C8orf34: variants seen among roughly 807,000 people sequenced by gnomAD.
C8orf34 encodes the protein uncharacterized protein C8orf34.
In C8orf34, 65 loss-of-function variants were observed where a neutral mutation model predicts 68.3. The observed-to-expected ratio is 0.95, with a 90% confidence interval of 0.78 to 1.17. The LOEUF is 1.17. C8orf34 is among the 50% of genes most tolerant of loss of function. The pLI is 0.00. For synonymous variants in C8orf34, 244 were observed against 241.2 expected, an observed-to-expected ratio of 1.01 and a Z score of -0.11; for missense variants, 664 against 655.4, an observed-to-expected ratio of 1.01 and a Z score of -0.14.
At chr8:68,809,025 G>A (rs1824568614) in intron 12 of C8orf34, among the ~76,000 whole-genome samples, 1 of 151,880 alleles carries the variant, frequency 6.6e-6, no homozygotes, top group Non-Finnish European at 1.5e-5. Context: ...TTTTCTGGAG[G>A]CTATCATGAA....
intron 8 of C8orf34, among the ~76,000 whole-genome samples, chr8:68,697,785 G>A (rs1820877791): frequency 6.6e-6 from 1 of 152,040 alleles, no homozygotes; most frequent in South Asian, 2.1e-4. Flanking sequence ...TCCAGATTAG[G>A]GGAACTTTCG....
At chr8:68,340,259 G>GA (rs1216120241) in intron 1 of C8orf34, among the ~76,000 whole-genome samples, 18 of 152,142 alleles carry the variant, frequency 1.2e-4, no homozygotes, top group Admixed American at 1.0e-3. Context: ...TACGTTATTG[G>GA]ATAAAAAATT....
chr8:68,689,360 A>G lies in C8orf34; in HGVS notation c.1242-19634A>G, dbSNP rs189936178. Among the ~76,000 whole-genome samples the G allele has an allele frequency of 3.9e-5, 6 of 152,174 alleles. No individual in the cohort carries two copies. In the East Asian group the frequency reaches 1.2e-3, roughly 29 times the overall value. ...AAAATCTCAGAAATCACCACTGTAG[A>G]ATTCATCCATGTAACCAAAAACTAC... On this transcript the variant is annotated intron_variant, in intron 8 of 13. Transcript: ENST00000518698.
intron 5 of C8orf34, among the ~76,000 whole-genome samples, chr8:68,498,816 G>T (rs1813641367): frequency 1.3e-5 from 2 of 152,146 alleles, no homozygotes; most frequent in African/African-American, 4.8e-5. Flanking sequence ...CACAACTAGA[G>T]CCCAGAGATT....
intron 7 of C8orf34, among the ~76,000 whole-genome samples, chr8:68,567,575 A>ATTTTT (rs1563534685): frequency 6.1e-5 from 2 of 33,042 alleles, no homozygotes; most frequent in Non-Finnish European, 1.3e-4. Flanking sequence ...TGTTTCATTT[A>ATTTTT]TCTTTTTTTT....
chr8:68,775,262 G>C (rs1823482563), intron 10 of C8orf34, among the ~76,000 whole-genome samples: 1 of 151,986 alleles, frequency 6.6e-6, no homozygotes, highest in Non-Finnish European at 1.5e-5. Flanking sequence ...AAAAGATTCT[G>C]TAGAAACAAA....
rs1335209980 is a variant in C8orf34 at position 68,799,230 on chromosome 8, G to C, written c.1549+11694G>C. Among the ~76,000 whole-genome samples, 10 of 152,198 alleles carry C rather than the reference G, an allele frequency of 6.6e-5. No homozygotes were observed. The East Asian group carries it at 1.7e-3, about 26-fold the overall frequency. On this transcript the variant is annotated intron_variant, in intron 12 of 13. Transcript: ENST00000518698. ...TTATTTTATTAAACACTTTTTATTT[G>C]TCTTGGAATATTCTTATATTTGCTC...
intron 1 of C8orf34, among the ~76,000 whole-genome samples, chr8:68,354,267 A>T (rs1489279652): frequency 6.6e-6 from 1 of 152,162 alleles, no homozygotes; most frequent in East Asian, 1.9e-4. Flanking sequence ...CTGTTGTAGA[A>T]AACTTATACC....
chr8:68,512,979 G>A (rs1050267886), intron 5 of C8orf34, among the ~76,000 whole-genome samples: 4 of 152,118 alleles, frequency 2.6e-5, no homozygotes, highest in Non-Finnish European at 4.4e-5. Context: ...AATTAAGGGC[G>A]TGATTAGTTC....
intron 8 of C8orf34, among the ~76,000 whole-genome samples, chr8:68,708,754 G>A (rs1013822491): frequency 2.0e-4 from 30 of 152,170 alleles, no homozygotes; most frequent in African/African-American, 6.8e-4. Flanking sequence ...AAGAAAAGCA[G>A]ATTCTACCTA....
chr8:68,560,545 C>T (rs939417551), intron 7 of C8orf34, among the ~76,000 whole-genome samples: 5 of 152,184 alleles, frequency 3.3e-5, no homozygotes, highest in South Asian at 2.1e-4. Flanking sequence ...TGTACTTACA[C>T]GAACCTAGAC....
intron 7 of C8orf34, among the ~76,000 whole-genome samples, chr8:68,619,960 G>T (rs1818340642): frequency 6.6e-6 from 1 of 152,284 alleles, no homozygotes; most frequent in Non-Finnish European, 1.5e-5. Flanking sequence ...GGTGTGTAGG[G>T]TATAGAAATA....
At chr8:68,477,175 T>C (rs1812655540) in intron 4 of C8orf34, among the ~76,000 whole-genome samples, 1 of 152,154 alleles carries the variant, frequency 6.6e-6, no homozygotes, top group East Asian at 1.9e-4. Flanking sequence ...TATTGGTGCA[T>C]GAAGGGTGAA....
At chr8:68,658,022 G>GTTTTTT (rs1353052811) in intron 8 of C8orf34, among the ~76,000 whole-genome samples, 1 of 152,040 alleles carries the variant, frequency 6.6e-6, no homozygotes, top group Admixed American at 6.6e-5. Context: ...TTCTTTATGA[G>GTTTTTT]CAAGAAGGGC....
chr8:68,636,112 G>A (rs1162336913), intron 7 of C8orf34, among the ~76,000 whole-genome samples: 2 of 152,104 alleles, frequency 1.3e-5, no homozygotes, highest in Non-Finnish European at 2.9e-5. Flanking sequence ...AACTGAAGAA[G>A]GGCTGACTAG....
intron 8 of C8orf34, among the ~76,000 whole-genome samples, chr8:68,663,591 A>G (rs1310702812): frequency 6.6e-6 from 1 of 152,156 alleles, no homozygotes; most frequent in East Asian, 1.9e-4. Context: ...TGAGTCAGGC[A>G]TCATCCCTGG....
intron 10 of C8orf34, among the ~76,000 whole-genome samples, chr8:68,736,887 A>G (rs367804283): frequency 5.3e-5 from 8 of 152,240 alleles, no homozygotes; most frequent in East Asian, 3.9e-4. Context: ...CATGAGTCCA[A>G]TTATTAGGCT....
chr8:68,346,266 C>T (rs1806277932), intron 1 of C8orf34, among the ~76,000 whole-genome samples: 1 of 138,478 alleles, frequency 7.2e-6, no homozygotes, highest in South Asian at 2.3e-4. Flanking sequence ...AATCTCCCTA[C>T]CTTTTTTTTT....
At chr8:68,375,429 A>G (rs1807750357) in intron 1 of C8orf34, among the ~76,000 whole-genome samples, 1 of 152,238 alleles carries the variant, frequency 6.6e-6, no homozygotes, top group South Asian at 2.1e-4. Context: ...AATCCCTAAC[A>G]AATAGTCATG....
Sources: gnomAD v4.1 joint callset for allele counts (sites outside exome capture counted in the v4.1 genomes callset) on GRCh38, gnomAD v4.1.1 for gene constraint, MANE v1.5 for transcripts, NCBI Gene and HGNC (gene_info 2026-07-23, HGNC 2026-07-21) for gene names.